Variants in ATG2A observed in about 807,000 individuals in gnomAD.
ATG2A encodes autophagy related 2A, also known as autophagy-related protein 2 homolog A.
A neutral mutation model predicts 214.2 loss-of-function variants in ATG2A; 103 were observed. The ratio of observed to expected loss-of-function variants is 0.48; its 90% CI spans 0.41 to 0.57. The LOEUF (loss-of-function observed/expected upper bound fraction) is 0.57. Ranked by LOEUF, ATG2A falls within the 20% of genes least tolerant of loss-of-function variation. The pLI is 0.00. For missense variants in ATG2A, 2,312 were observed against 2,613.2 expected, an observed-to-expected ratio of 0.88 and a Z score of 2.51; for synonymous variants, 1,160 against 1,142.1, an observed-to-expected ratio of 1.02 and a Z score of -0.32.
At chr11:64,916,301 G>C (rs58009266) in intron 1 of ATG2A, among the ~76,000 whole-genome samples, 4,642 of 152,282 alleles carry the variant, frequency 0.03, 222 homozygotes, top group African/African-American at 0.1. Flanking sequence ...CTGAGCCGGG[G>C]GGGTCGGTGG....
chr11:64,900,013 T>G (rs941877903), intron 31 of ATG2A, among the ~76,000 whole-genome samples: 2 of 138,350 alleles, frequency 1.4e-5, no homozygotes, highest in African/African-American at 5.5e-5. Flanking sequence ...CACACACCAC[T>G]GCAAATGGTT....
At chr11:64,901,152 G>T in intron 29 of ATG2A, 60 bp from the exon 30 acceptor site, 1 of 1,493,628 alleles carries the variant, frequency 6.7e-7, no homozygotes, top group Non-Finnish European at 9.0e-7. Flanking sequence ...GCTGCCCCCA[G>T]CCCCAGCAAC....
In ATG2A at chr11:64,898,641, T is replaced by TA; in HGVS notation, c.4665dup (p.Asn1556Ter). ...ATGGTGCAGGTCGCTCATACCATGT[T>TA]AGAGTGGGCACGTCGCGGCATCCGC... On this transcript the variant is annotated frameshift_variant, in exon 32 of 41. Coordinates refer to ENST00000377264, the MANE Select transcript of ATG2A (RefSeq NM_015104.3). LOFTEE classifies it high-confidence loss of function. This position sits in a 1 kb window ranked among gnomAD's most constrained non-coding sequence, Gnocchi z 4.5. 6.2e-7 allele frequency: 1 copy of TA among 1,613,848 alleles called. No individual in the cohort carries two copies. Among genetic ancestry groups the TA allele is most frequent in the Non-Finnish European group, 8.5e-7 (1 of 1,179,810 alleles).
Position 64,898,179 on chromosome 11 carries a change from G to A in ATG2A, c.4774-9C>T. ...AGGAAGAAGAGGGCATCCTGCAAGG[G>A]AGAGGTCCAGATGTGGATCAGACTC... On this transcript the variant is annotated splice_polypyrimidine_tract_variant and intron_variant, in intron 33 of 40. Transcript: ENST00000377264. This position sits in a 1 kb window ranked among gnomAD's most constrained non-coding sequence, Gnocchi z 4.5. 6.2e-7 allele frequency: 1 copy of A among 1,614,016 alleles called. No homozygotes were observed. Among genetic ancestry groups the A allele is most frequent in the Non-Finnish European group, 8.5e-7 (1 of 1,179,942 alleles).
Position 64,902,153 on chromosome 11 carries a change from G to T in ATG2A, c.3928C>A (p.Pro1310Thr). The T allele has an allele frequency of 6.2e-7, 1 of 1,613,326 alleles. No individual in the cohort carries two copies. Among genetic ancestry groups the T allele is most frequent in the Non-Finnish European group, 8.5e-7 (1 of 1,179,982 alleles). The change falls in exon 29 of 41, where the codon CCC becomes ACC. Residue 1310 changes from proline (P) to threonine (T), a missense_variant. By Grantham distance (38) the Pro-to-Thr change is conservative (BLOSUM62 -1). Transcript: ENST00000377264. Reference protein sequence around the residue: ...PSGGHLPQASPISVYLFPGER... With the variant: ...PSGGHLPQASTISVYLFPGER... ...CCTGGGAATAGGTAGACGGAGATGG[G>T]CGACGCCTGAGGGAGGTGGCCACCT...
rs751061098 is a variant in ATG2A at position 64,909,729 on chromosome 11, C to T, written c.2059G>A (p.Gly687Ser). Residue 687 changes from glycine to serine, a missense_variant, in exon 14 of 41, where the codon GGT becomes AGT. Gly to Ser is a moderately conservative substitution (Grantham distance 56, BLOSUM62 0). Transcript: ENST00000377264. ...TCCAGGTGGGTGGGGACTGGGGGAC[C>T]AGGCCCACTGCTAAGCTCTGACCGG... ...QFRSELSSGPGPPVPTHLELT... is the reference protein window; with the variant it reads ...QFRSELSSGPSPPVPTHLELT... 6.5e-5 allele frequency: 105 copies of T among 1,613,060 alleles called. No individual in the cohort carries two copies. The highest frequency in any genetic ancestry group is 4.9e-4 in the Middle Eastern group (3 of 6,082).
intron 24 of ATG2A, among the ~76,000 whole-genome samples, chr11:64,904,630 A>C (rs960693718): frequency 6.6e-6 from 1 of 152,178 alleles, no homozygotes; most frequent in Non-Finnish European, 1.5e-5. Context: ...AAGAAAATAA[A>C]AATCATTCAT....
intron 29 of ATG2A, 127 bp from the exon 30 acceptor site, chr11:64,901,219 G>T (rs1044189743): frequency 1.3e-5 from 12 of 958,556 alleles, no homozygotes; most frequent in Non-Finnish European, 1.7e-5. Flanking sequence ...GGTCATGTTC[G>T]GTCACCCAGG....
intron 14 of ATG2A, 147 bp downstream of exon 14, chr11:64,909,534 G>A (rs909535830): frequency 1.2e-5 from 18 of 1,444,704 alleles, no homozygotes; most frequent in African/African-American, 2.8e-5. Flanking sequence ...GGAGGCCGGG[G>A]ACAGGCAGTG....
intron 14 of ATG2A, 42 bp downstream of exon 14, chr11:64,909,639 C>G: frequency 6.3e-7 from 1 of 1,598,902 alleles, no homozygotes; most frequent in Non-Finnish European, 8.5e-7. Context: ...CTCCCAGAAG[C>G]CAGGCCTCTT....
intron 29 of ATG2A, 97 bp downstream of exon 29, chr11:64,901,865 A>G: frequency 1.4e-6 from 2 of 1,383,144 alleles, no homozygotes; most frequent in Non-Finnish European, 2.0e-6. Context: ...TCACCACGGG[A>G]GCTCCAGATG....
intron 7 of ATG2A, 37 bp from the exon 8 acceptor site, chr11:64,912,286 C>T (rs932208852): frequency 8.2e-6 from 13 of 1,588,994 alleles, no homozygotes; most frequent in Non-Finnish European, 1.1e-5. Context: ...GCTGGCTGGC[C>T]CTCCCAGCCA....
At chr11:64,905,954 T>C in intron 22 of ATG2A, 106 bp from the exon 23 acceptor site, 2 of 1,378,138 alleles carry the variant, frequency 1.5e-6, no homozygotes, top group Non-Finnish European at 2.0e-6. Flanking sequence ...TTCTGCCCAC[T>C]AGCTGTCTGC....
chr11:64,906,079 C>T (rs1944535585), intron 22 of ATG2A, 34 bp downstream of exon 22: 1 of 1,550,530 alleles, frequency 6.4e-7, no homozygotes, highest in African/African-American at 1.4e-5. Context: ...TCCAGAGTCA[C>T]TGGGCCATGT....
chr11:64,908,280 C>T (rs1032291215), intron 16 of ATG2A, among the ~76,000 whole-genome samples: 11 of 152,120 alleles, frequency 7.2e-5, no homozygotes, highest in African/African-American at 2.7e-4. Flanking sequence ...AGGCCAGGTG[C>T]GGTGGCTCAT....
Position 64,894,826 on chromosome 11 carries a change from G to T in ATG2A, c.*147C>A. On this transcript the variant is annotated 3_prime_UTR_variant, in exon 41 of 41. Transcript: ENST00000377264. ...AAGGCAGGGAGGCCCCCCTCTCACA[G>T]CAGATTGGCAACGGGCAGGCTGGGA... 1.0e-6 allele frequency: 1 copy of T among 990,384 alleles called. No homozygotes were observed. The highest frequency in any genetic ancestry group is 1.6e-6 in the Non-Finnish European group (1 of 626,098). The allele number at this position is 990,384 out of a possible 1,614,324, so 61.3% of individuals were successfully genotyped here.
At chr11:64,904,559 A>C (rs1788068) in intron 24 of ATG2A, among the ~76,000 whole-genome samples, 1 of 152,114 alleles carries the variant, frequency 6.6e-6, no homozygotes, top group Non-Finnish European at 1.5e-5. Flanking sequence ...AAAAAAATAA[A>C]TAAAAAAGTC....
intron 29 of ATG2A, 151 bp downstream of exon 29, chr11:64,901,811 G>T: frequency 1.2e-6 from 1 of 849,090 alleles, no homozygotes; most frequent in Non-Finnish European, 1.8e-6. Flanking sequence ...CACAGACCTA[G>T]CACCACCCCC....
Position 64,913,849 on chromosome 11 carries a change from C to T in ATG2A, c.562G>A (p.Gly188Ser), listed in dbSNP as rs1944874848. The change falls in exon 4 of 41, where the codon GGT becomes AGT. Residue 188 changes from glycine to serine, a missense_variant. Gly to Ser is a moderately conservative substitution (Grantham distance 56, BLOSUM62 0). Transcript: ENST00000377264. This position sits in a 1 kb window ranked among gnomAD's most constrained non-coding sequence, Gnocchi z 4.3. The stretch of plus-strand genomic sequence containing the variant: ...TGCACACGGACCTCGACGGCCACAC[C>T]ACGTTCCCCATCACCCGGAGAGTGC... ...VEHSPGDGER[G>S]VAVEVRVQRL... The T allele has an allele frequency of 1.2e-6, 2 of 1,613,894 alleles. No homozygotes were observed. The highest frequency in any genetic ancestry group is 1.7e-6 in the Non-Finnish European group (2 of 1,180,018).
Sources: gnomAD v4.1 joint callset for allele counts (sites outside exome capture counted in the v4.1 genomes callset) on GRCh38, gnomAD v4.1.1 for gene constraint, Gnocchi (gnomAD v3.1) non-coding constraint, MANE v1.5 for transcripts, NCBI Gene and HGNC (gene_info 2026-07-23, HGNC 2026-07-21) for gene names.